CENPW: variants seen among roughly 807,000 people sequenced by gnomAD.
CENPW encodes centromere protein W, also known as cancer-up-regulated gene 2 protein.
Under a neutral mutation model 11.1 loss-of-function variants are expected in CENPW, and 3 were observed. The ratio of observed to expected loss-of-function variants is 0.27; its 90% CI spans 0.12 to 0.70. The LOEUF (loss-of-function observed/expected upper bound fraction) is 0.70. Ranked by LOEUF, CENPW falls within the 30% of genes least tolerant of loss-of-function variation. The pLI, the probability that CENPW is intolerant of heterozygous loss-of-function variation, is 0.77. For synonymous variants in CENPW, 38 were observed against 42.0 expected, an observed-to-expected ratio of 0.91 and a Z score of 0.37; for missense variants, 100 against 105.6, an observed-to-expected ratio of 0.95 and a Z score of 0.23.
the CENPW span, among the ~76,000 whole-genome samples, chr6:126,373,475 T>C: frequency 6.6e-6 from 1 of 152,360 alleles, no homozygotes; most frequent in East Asian, 1.9e-4. Flanking sequence ...CAAACTACTC[T>C]AAAACTTAAT....
chr6:126,403,442 A>G, the CENPW span, among the ~76,000 whole-genome samples: 1 of 152,096 alleles, frequency 6.6e-6, no homozygotes, highest in Non-Finnish European at 1.5e-5. Flanking sequence ...CAAAACAGCC[A>G]TATTGCTGAT....
the CENPW span, among the ~76,000 whole-genome samples, chr6:126,388,342 G>A: frequency 6.6e-6 from 1 of 151,964 alleles, no homozygotes; most frequent in South Asian, 2.1e-4. Context: ...AATGTACAGG[G>A]CAGGGGGAAA....
the CENPW span, among the ~76,000 whole-genome samples, chr6:126,454,217 T>C: frequency 6.6e-6 from 1 of 151,076 alleles, no homozygotes; most frequent in Admixed American, 6.6e-5. Flanking sequence ...CCTGACCAAA[T>C]GGGCCTAATA....
At chr6:126,439,496 T>C in the CENPW span, among the ~76,000 whole-genome samples, 1 of 151,638 alleles carries the variant, frequency 6.6e-6, no homozygotes, top group Non-Finnish European at 1.5e-5. Context: ...GGGTTTTCTC[T>C]GGGACTTCTC....
the CENPW span, among the ~76,000 whole-genome samples, chr6:126,354,808 GT>G: frequency 1.3e-5 from 2 of 151,942 alleles, no homozygotes; most frequent in Admixed American, 6.6e-5. Context: ...AGCTTTTTTA[GT>G]TTTCACTGGG....
chr6:126,391,499 G>T, the CENPW span, among the ~76,000 whole-genome samples: 1 of 151,782 alleles, frequency 6.6e-6, no homozygotes, highest in Non-Finnish European at 1.5e-5. Flanking sequence ...GTTCATTTTT[G>T]CTTTGGTTAA....
the CENPW span, among the ~76,000 whole-genome samples, chr6:126,455,930 G>A: frequency 2.0e-5 from 3 of 151,000 alleles, no homozygotes; most frequent in Non-Finnish European, 3.0e-5. Context: ...TGCCTACAGT[G>A]TCCTAGCTGA....
At chr6:126,381,172 T>C in the CENPW span, among the ~76,000 whole-genome samples, 1 of 152,244 alleles carries the variant, frequency 6.6e-6, no homozygotes, top group Non-Finnish European at 1.5e-5. Flanking sequence ...TTAATGAATC[T>C]TCCTTAACAT....
chr6:126,413,539 G>A, the CENPW span, among the ~76,000 whole-genome samples: 2 of 152,016 alleles, frequency 1.3e-5, no homozygotes, highest in Non-Finnish European at 2.9e-5. Context: ...AGCAATAAAT[G>A]AAGAAATTCA....
At chr6:126,475,320 G>A in the CENPW span, among the ~76,000 whole-genome samples, 1 of 151,830 alleles carries the variant, frequency 6.6e-6, no homozygotes, top group Non-Finnish European at 1.5e-5. Context: ...AAGTGTTTGA[G>A]GGGATGAATA....
chr6:126,449,915 T>C, the CENPW span, among the ~76,000 whole-genome samples: 1 of 151,084 alleles, frequency 6.6e-6, no homozygotes, highest in Non-Finnish European at 1.5e-5. Flanking sequence ...AATGATTGAA[T>C]ATTAACAATT....
the CENPW span, among the ~76,000 whole-genome samples, chr6:126,454,448 G>A: frequency 4.6e-5 from 7 of 151,262 alleles, no homozygotes; most frequent in South Asian, 2.1e-4. Flanking sequence ...CATGTAAATC[G>A]AACAATCTGC....
chr6:126,350,475 G>A (rs1331549513), downstream of CENPW, among the ~76,000 whole-genome samples: 2 of 152,026 alleles, frequency 1.3e-5, no homozygotes, highest in Admixed American at 1.3e-4. Flanking sequence ...CATTTATGAC[G>A]ACTTTATTCT....
the CENPW span, among the ~76,000 whole-genome samples, chr6:126,361,636 C>A: frequency 6.6e-6 from 1 of 152,122 alleles, no homozygotes; most frequent in Non-Finnish European, 1.5e-5. Context: ...CTGTGGTGGG[C>A]AGAGAGATGA....
the CENPW span, among the ~76,000 whole-genome samples, chr6:126,438,455 T>A: frequency 6.6e-6 from 1 of 150,936 alleles, no homozygotes; most frequent in Non-Finnish European, 1.5e-5. Flanking sequence ...ATAGAAAAAA[T>A]TAATAACATA....
chr6:126,356,956 CT>C, the CENPW span, among the ~76,000 whole-genome samples: 2 of 152,108 alleles, frequency 1.3e-5, no homozygotes, highest in Non-Finnish European at 2.9e-5. Context: ...TTAGGTCCCA[CT>C]TGTCAATTTT....
At chr6:126,389,116 A>G in the CENPW span, among the ~76,000 whole-genome samples, 1 of 151,934 alleles carries the variant, frequency 6.6e-6, no homozygotes, top group African/African-American at 2.4e-5. Flanking sequence ...TAACTGTAAC[A>G]TAATACCCTT....
At chr6:126,370,823 G>T in the CENPW span, among the ~76,000 whole-genome samples, 1 of 151,764 alleles carries the variant, frequency 6.6e-6, no homozygotes, top group East Asian at 1.9e-4. Context: ...CGTGATCTCG[G>T]CTCACTACAA....
chr6:126,376,919 T>C, the CENPW span, among the ~76,000 whole-genome samples: 1 of 152,170 alleles, frequency 6.6e-6, no homozygotes, highest in Admixed American at 6.5e-5. Context: ...CGGTTTTCAT[T>C]TTGACAAAGT....
Sources: gnomAD v4.1 joint callset for allele counts (sites outside exome capture counted in the v4.1 genomes callset) on GRCh38, gnomAD v4.1.1 for gene constraint, MANE v1.5 for transcripts, NCBI Gene and HGNC (gene_info 2026-07-23, HGNC 2026-07-21) for gene names.